FAM171A1: variants seen among roughly 807,000 people sequenced by gnomAD.
FAM171A1 encodes protein FAM171A1.
Under a neutral mutation model 74.9 loss-of-function variants are expected in FAM171A1, and 23 were observed. That is an observed-to-expected ratio of 0.31 (90% CI 0.22 to 0.44). The LOEUF (loss-of-function observed/expected upper bound fraction) is 0.44. FAM171A1 is among the 20% of genes least tolerant of loss of function. The pLI, the probability that FAM171A1 is intolerant of heterozygous loss-of-function variation, is 1.00. For missense variants in FAM171A1, 1,162 were observed against 1,159.2 expected, an observed-to-expected ratio of 1.00 and a Z score of -0.03; for synonymous variants, 527 against 505.7, an observed-to-expected ratio of 1.04 and a Z score of -0.57.
chr10:15,275,951 C>T lies in FAM171A1; in HGVS notation c.326-4G>A. Reference sequence around the variant, plus strand: ...CCAAGGCTCAGAGAGGAAAATACTGCAGGAAAAAGAAATGGATAGAAGGGG... The same window carrying T: ...CCAAGGCTCAGAGAGGAAAATACTGTAGGAAAAAGAAATGGATAGAAGGGG... On this transcript the variant is annotated splice_polypyrimidine_tract_variant and splice_region_variant and intron_variant, in intron 2 of 7. Coordinates refer to ENST00000378116, the MANE Select transcript of FAM171A1 (RefSeq NM_001010924.2). The T allele has an allele frequency of 6.2e-7, 1 of 1,600,816 alleles. No individual in the cohort carries two copies.
At chr10:15,234,921 C>G (rs1393906169) in intron 5 of FAM171A1, among the ~76,000 whole-genome samples, 1 of 152,148 alleles carries the variant, frequency 6.6e-6, no homozygotes, top group Non-Finnish European at 1.5e-5. Flanking sequence ...CTCGGCCCCC[C>G]AGAGTGCTGG....
intron 4 of FAM171A1, among the ~76,000 whole-genome samples, chr10:15,252,072 C>T (rs1834515877): frequency 6.6e-6 from 1 of 152,226 alleles, no homozygotes; most frequent in Non-Finnish European, 1.5e-5. Context: ...CTGCACCTGT[C>T]ATTTTATTGA....
intron 1 of FAM171A1, among the ~76,000 whole-genome samples, chr10:15,353,964 G>A (rs904428816): frequency 6.6e-6 from 1 of 152,240 alleles, no homozygotes; most frequent in African/African-American, 2.4e-5. Context: ...ACGCTCATCT[G>A]AAATGCCAAA....
intron 1 of FAM171A1, among the ~76,000 whole-genome samples, chr10:15,347,516 G>A (rs1035893121): frequency 3.3e-5 from 5 of 152,014 alleles, no homozygotes; most frequent in East Asian, 1.9e-4. Flanking sequence ...TGTTATGAAC[G>A]GAGTCACCAA....
chr10:15,280,000 T>C (rs1834946563), intron 2 of FAM171A1, among the ~76,000 whole-genome samples: 2 of 152,098 alleles, frequency 1.3e-5, no homozygotes, highest in South Asian at 4.1e-4. Context: ...GGCAGGAGAA[T>C]TGCTTGAACC....
intron 4 of FAM171A1, among the ~76,000 whole-genome samples, chr10:15,253,012 G>GT (rs911301861): frequency 7.0e-4 from 106 of 150,672 alleles, no homozygotes; most frequent in Admixed American, 7.9e-4. Context: ...TTGTTTTTTT[G>GT]TTTTTTTTTG....
chr10:15,265,269 G>A lies in FAM171A1; in HGVS notation c.419-10390C>T, dbSNP rs548594365. On this transcript the variant is annotated intron_variant, in intron 3 of 7. Coordinates refer to ENST00000378116, the MANE Select transcript of FAM171A1 (RefSeq NM_001010924.2). The stretch of plus-strand genomic sequence containing the variant: ...TGTGTGTGCGTGTGTGTGTGTGTGC[G>A]TGTGTGTTTGTGTGTGTACTGTACT... Among the ~76,000 whole-genome samples, 359 of 151,976 alleles carry A rather than the reference G, an allele frequency of 2.4e-3. 1 individual carries two copies. The highest frequency in any genetic ancestry group is 4.1e-3 in the Non-Finnish European group (281 of 67,948).
chr10:15,341,271 C>T lies in FAM171A1; in HGVS notation c.97+29685G>A, dbSNP rs79536659. 5.5e-3 allele frequency among the ~76,000 whole-genome samples: 831 copies of T among 152,266 alleles called. 31 individuals are homozygous for T. In the East Asian group the frequency reaches 0.09, roughly 17 times the overall value. On this transcript the variant is annotated intron_variant, in intron 1 of 7. Transcript: ENST00000378116. The stretch of plus-strand genomic sequence containing the variant: ...TTAGTAACAAAACACCTCTGCTTAG[C>T]TTACAAAAAGTCATATTTGAGAACT...
chr10:15,333,929 G>A (rs866393599), intron 1 of FAM171A1, among the ~76,000 whole-genome samples: 2 of 151,648 alleles, frequency 1.3e-5, no homozygotes, highest in African/African-American at 4.8e-5. Flanking sequence ...TTTTGGGGTC[G>A]TTTCAGAGCT....
At chr10:15,279,878 A>G (rs1834944918) in intron 2 of FAM171A1, among the ~76,000 whole-genome samples, 1 of 152,106 alleles carries the variant, frequency 6.6e-6, no homozygotes, top group Non-Finnish European at 1.5e-5. Flanking sequence ...AGATTGCACC[A>G]CTGAGACTCT....
At chr10:15,351,166 T>A (rs554924933) in intron 1 of FAM171A1, among the ~76,000 whole-genome samples, 1 of 152,362 alleles carries the variant, frequency 6.6e-6, no homozygotes, top group Admixed American at 6.5e-5. Flanking sequence ...TAATTCTTTT[T>A]ATCTTTGCTC....
At chr10:15,322,351 TAA>T (rs1382774607) in intron 1 of FAM171A1, among the ~76,000 whole-genome samples, 4 of 152,230 alleles carry the variant, frequency 2.6e-5, no homozygotes, top group Non-Finnish European at 4.4e-5. Context: ...TTATTTATGT[TAA>T]GTGTATTTTT....
intron 5 of FAM171A1, among the ~76,000 whole-genome samples, chr10:15,228,410 T>C (rs1834137822): frequency 6.6e-6 from 1 of 151,366 alleles, no homozygotes; most frequent in Non-Finnish European, 1.5e-5. Context: ...TGTTGCTATC[T>C]TGGCTCACTG....
intron 1 of FAM171A1, among the ~76,000 whole-genome samples, chr10:15,339,721 C>T (rs1835742356): frequency 6.6e-6 from 1 of 152,254 alleles, no homozygotes; most frequent in East Asian, 1.9e-4. Context: ...GAAGGCTACA[C>T]TTAATGGGGG....
chr10:15,277,958 A>G (rs1318931838), intron 2 of FAM171A1, among the ~76,000 whole-genome samples: 1 of 151,664 alleles, frequency 6.6e-6, no homozygotes, highest in Non-Finnish European at 1.5e-5. Context: ...GTTTCGTCAC[A>G]TTGGCCAGGC....
intron 1 of FAM171A1, among the ~76,000 whole-genome samples, chr10:15,346,388 C>T (rs1052096739): frequency 3.3e-5 from 5 of 152,164 alleles, no homozygotes; most frequent in African/African-American, 9.7e-5. Context: ...TGAGCCACTA[C>T]GCCCAGCCCA....
At chr10:15,234,208 T>C (rs1218580260) in intron 5 of FAM171A1, among the ~76,000 whole-genome samples, 3 of 150,614 alleles carry the variant, frequency 2.0e-5, no homozygotes, top group Admixed American at 2.0e-4. Context: ...GTTAAGTGAG[T>C]GCTAACATAA....
At chr10:15,318,064 G>T (rs1053684430) in intron 1 of FAM171A1, among the ~76,000 whole-genome samples, 1 of 152,196 alleles carries the variant, frequency 6.6e-6, no homozygotes, top group Non-Finnish European at 1.5e-5. Context: ...AAAGTGCTAG[G>T]ATTACAGGGG....
intron 5 of FAM171A1, among the ~76,000 whole-genome samples, chr10:15,243,941 G>A (rs1338061374): frequency 7.2e-5 from 11 of 152,118 alleles, no homozygotes; most frequent in Non-Finnish European, 1.3e-4. Context: ...TAGTAGAGAC[G>A]AGGTTTCACC....
Sources: allele counts gnomAD v4.1 joint callset (sites outside exome capture counted in the v4.1 genomes callset), GRCh38; gene constraint gnomAD v4.1.1; transcripts MANE v1.5; gene names NCBI Gene and HGNC (gene_info 2026-07-23, HGNC 2026-07-21).